DMD: variants seen among roughly 807,000 people sequenced by gnomAD.
DMD encodes the protein mutant dystrophin.
Under a neutral mutation model 330.1 loss-of-function variants are expected in DMD, and 63 were observed. The ratio of observed to expected loss-of-function variants is 0.19; its 90% CI spans 0.16 to 0.24. DMD has a LOEUF of 0.24. DMD is among the 10% of genes least tolerant of loss of function. DMD has a pLI of 1.00. For synonymous variants in DMD, 1,223 were observed against 959.8 expected (o/e 1.27, Z -5.07); for missense variants, 3,344 against 2,684.1 (o/e 1.25, Z -5.43).
chrX:32,667,483 A>G (rs769198927), intron 9 of DMD, among the ~76,000 whole-genome samples: 1 of 112,097 alleles, frequency 8.9e-6, no homozygotes, highest in South Asian at 3.7e-4. Context: ...AGCAACACCA[A>G]CAAGGGAGTA....
rs763562090 is a variant in DMD, at chrX:31,944,480, C to CTT, written c.6615-12255_6615-12254dup. Among the ~76,000 whole-genome samples, 424 of 98,611 alleles carry CTT rather than the reference C, an allele frequency of 4.3e-3. 5 individuals are homozygous for CTT. The highest frequency in any genetic ancestry group is 0.014 in the African/African-American group (373 of 27,049). The allele number at this position is 98,611 out of a possible 115,157, so 85.6% of individuals were successfully genotyped here. On this transcript the variant is annotated intron_variant, in intron 45 of 78. Transcript: ENST00000357033. The stretch of plus-strand genomic sequence containing the variant: ...AAGTAAATATTTTGAACAATTACCA[C>CTT]TTTTTTTTTTTTTTTTGAGACGGAG...
chrX:32,542,795 G>A (rs1468315188), intron 17 of DMD, among the ~76,000 whole-genome samples: 1 of 111,465 alleles, frequency 9.0e-6, no homozygotes, highest in Non-Finnish European at 1.9e-5. Flanking sequence ...TGCTATCTTC[G>A]TTCAGTCTAA....
intron 56 of DMD, among the ~76,000 whole-genome samples, chrX:31,501,452 T>C (rs905626446): frequency 3.6e-5 from 4 of 112,418 alleles, no homozygotes; most frequent in South Asian, 3.7e-4. Flanking sequence ...TCTATTAATC[T>C]TTATTAGTGA....
Position 32,996,488 on chromosome X carries a change from A to G in DMD, c.93+23651T>C, listed in dbSNP as rs2093123104. Among the ~76,000 whole-genome samples the G allele has an allele frequency of 3.6e-5, 4 of 111,523 alleles. No individual in the cohort carries two copies. The South Asian group carries it at 1.1e-3, about 31-fold the overall frequency. On this transcript the variant is annotated intron_variant, in intron 2 of 78. Transcript: ENST00000357033. ...TAGATTGCCCTGCCAACTGTAGGAG[A>G]CCGAAATATGCCATCCCAAAATATG...
intron 44 of DMD, 34 bp from the exon 45 acceptor site, chrX:31,968,548 A>C (rs2095371149): frequency 5.0e-6 from 6 of 1,188,749 alleles, no homozygotes; most frequent in Non-Finnish European, 6.9e-6. Context: ...ACAAAAATGA[A>C]GCCCCATGTC....
At chrX:31,261,041 A>C (rs750992273) in intron 62 of DMD, 25 bp from the exon 63 acceptor site, 2 of 1,182,554 alleles carry the variant, frequency 1.7e-6, no homozygotes, top group East Asian at 5.9e-5. Flanking sequence ...ATAAAGAAAG[A>C]CTTTAGCATT....
At chrX:31,787,173 G>A (rs1478636589) in intron 50 of DMD, among the ~76,000 whole-genome samples, 1 of 110,878 alleles carries the variant, frequency 9.0e-6, no homozygotes, top group Non-Finnish European at 1.9e-5. Flanking sequence ...GGAGTTCAAG[G>A]CCAGCCTGAT....
chrX:32,421,138 A>G (rs1345850940), intron 29 of DMD, among the ~76,000 whole-genome samples: 1 of 112,248 alleles, frequency 8.9e-6, no homozygotes, highest in Admixed American at 9.4e-5. Flanking sequence ...TTTATCACAA[A>G]TACTCCAGAT....
chrX:31,784,635 T>C (rs67676739), intron 50 of DMD, among the ~76,000 whole-genome samples: 13,325 of 111,006 alleles, frequency 0.12, 605 homozygotes, highest in South Asian at 0.19. Flanking sequence ...ACTTCAAATT[T>C]TGAATTTTGA....
rs143176615 is a variant in DMD at position 32,279,223 on chromosome X, T to C, written c.6290+8306A>G. On this transcript the variant is annotated intron_variant, in intron 43 of 78. Transcript: ENST00000357033. The stretch of plus-strand genomic sequence containing the variant: ...TGTACACTGTTGGCAGGAATGTAAA[T>C]TAGTACAACCAAAATGGAGAATAGT... 5.7e-4 allele frequency among the ~76,000 whole-genome samples: 64 copies of C among 111,467 alleles called. 1 individual carries two copies. In the East Asian group the frequency reaches 0.017, roughly 29 times the overall value.
At chrX:32,041,793 T>A (rs1305893825) in intron 44 of DMD, among the ~76,000 whole-genome samples, 1 of 108,923 alleles carries the variant, frequency 9.2e-6, no homozygotes, top group Non-Finnish European at 1.9e-5. Flanking sequence ...ACTTTCAAAT[T>A]AGCACTGTCG....
At chrX:31,132,841 TAGTC>T (rs2034692533) in intron 77 of DMD, among the ~76,000 whole-genome samples, 1 of 109,335 alleles carries the variant, frequency 9.1e-6, no homozygotes, top group African/African-American at 3.3e-5. Flanking sequence ...ATACCTAAGA[TAGTC>T]AGAATGGGGA....
chrX:31,311,156 T>C (rs557116312), intron 62 of DMD, among the ~76,000 whole-genome samples: 1 of 110,269 alleles, frequency 9.1e-6, no homozygotes, highest in Non-Finnish European at 1.9e-5. Flanking sequence ...TTGGGAGAAA[T>C]TGTGACTTAT....
At chrX:32,389,982 C>A (rs1293770672) in intron 31 of DMD, 89 bp downstream of exon 31, 2 of 741,548 alleles carry the variant, frequency 2.7e-6, no homozygotes, top group African/African-American at 4.2e-5. Flanking sequence ...TCCTCAAATC[C>A]AATCTTGCCA....
chrX:32,380,436 T>C, intron 34 of DMD, 74 bp downstream of exon 34: 1 of 961,623 alleles, frequency 1.0e-6, no homozygotes, highest in East Asian at 3.1e-5. Context: ...TGCTACATGT[T>C]AATACTTCCT....
At chrX:32,486,936 C>T (rs189873516) in intron 20 of DMD, among the ~76,000 whole-genome samples, 1 of 109,884 alleles carries the variant, frequency 9.1e-6, no homozygotes, top group Admixed American at 9.7e-5. Flanking sequence ...AGGGCATAGG[C>T]ATGGGCAAGG....
chrX:32,472,102 T>C (rs761788019), intron 22 of DMD, 62 bp downstream of exon 22: 1 of 1,141,010 alleles, frequency 8.8e-7, no homozygotes, highest in South Asian at 1.8e-5. Context: ...ATTTAAAGGT[T>C]ATATCAATGT....
intron 9 of DMD, among the ~76,000 whole-genome samples, chrX:32,656,398 A>G (rs2060573950): frequency 9.0e-6 from 1 of 111,663 alleles, no homozygotes; most frequent in African/African-American, 3.3e-5. Context: ...TCCCATCTAC[A>G]CAACATTTAA....
At chrX:31,593,817 GAAT>G (rs1385210595) in intron 55 of DMD, among the ~76,000 whole-genome samples, 1 of 106,545 alleles carries the variant, frequency 9.4e-6, no homozygotes, top group African/African-American at 3.7e-5. Context: ...TCTATATAAT[GAAT>G]ATTATTGTAA....
Sources: gnomAD v4.1 joint callset for allele counts (sites outside exome capture counted in the v4.1 genomes callset) on GRCh38, gnomAD v4.1.1 for gene constraint, MANE v1.5 for transcripts, NCBI Gene and HGNC (gene_info 2026-07-23, HGNC 2026-07-21) for gene names.